NDFIP2: variants seen among roughly 807,000 people sequenced by gnomAD.
The protein encoded by NDFIP2 is NEDD4 family-interacting protein 2.
Under a neutral mutation model 36.0 loss-of-function variants are expected in NDFIP2, and 19 were observed. The ratio of observed to expected loss-of-function variants is 0.53; its 90% CI spans 0.37 to 0.77. The LOEUF (loss-of-function observed/expected upper bound fraction) is 0.77. Ranked by LOEUF, NDFIP2 falls within the 30% of genes least tolerant of loss-of-function variation. The pLI is 0.00. For synonymous variants in NDFIP2, 181 were observed against 167.7 expected (o/e 1.08, Z -0.61); for missense variants, 446 against 435.8 (o/e 1.02, Z -0.21).
chr13:79,502,461 T>A, intron 1 of NDFIP2, among the ~76,000 whole-genome samples: 1 of 152,152 alleles, frequency 6.6e-6, no homozygotes, highest in East Asian at 1.9e-4. Flanking sequence ...AGAGACAGTA[T>A]CCGTAGCTCT....
At chr13:79,507,623 T>A (rs1309242635) in intron 1 of NDFIP2, among the ~76,000 whole-genome samples, 1 of 150,912 alleles carries the variant, frequency 6.6e-6, no homozygotes, top group Admixed American at 6.6e-5. Flanking sequence ...TAGTTGCTTT[T>A]TCAAGGACAC....
chr13:79,542,505 G>GTTTTTTTTTTTTTTTTTTTTTTTTTTTTT (rs1454824183), intron 4 of NDFIP2, among the ~76,000 whole-genome samples: 1 of 149,312 alleles, frequency 6.7e-6, no homozygotes, highest in African/African-American at 2.5e-5. Context: ...GTGTTGTTCT[G>GTTTTTTTTTTTTTTTTTTTTTTTTTTTTT]TTTTTTGTTT....
At chr13:79,512,055 T>C (rs1459945696) in intron 1 of NDFIP2, among the ~76,000 whole-genome samples, 1 of 152,236 alleles carries the variant, frequency 6.6e-6, no homozygotes, top group Non-Finnish European at 1.5e-5. Flanking sequence ...ATGCATATAT[T>C]CTTTGCACAA....
At chr13:79,509,869 T>C (rs1325592480) in intron 1 of NDFIP2, among the ~76,000 whole-genome samples, 2 of 152,152 alleles carry the variant, frequency 1.3e-5, no homozygotes, top group Admixed American at 1.3e-4. Context: ...GCAGGGCAGC[T>C]AGGCCAGTCT....
In NDFIP2 at chr13:79,488,592, C is replaced by T. The variant is rs569940453; in HGVS notation, c.321+7068C>T. 5.9e-5 allele frequency among the ~76,000 whole-genome samples: 9 copies of T among 152,110 alleles called. 2 individuals carry two copies. Among genetic ancestry groups the T allele is most frequent in the African/African-American group, 2.2e-4 (9 of 41,488 alleles). On this transcript the variant is annotated intron_variant, in intron 1 of 7. Transcript: ENST00000218652. ...TTGAGTGCCCTTTGTCAGATTTATG[C>T]TAAAGGTAAGGGAGCAGTTTTTAGA...
intron 3 of NDFIP2, among the ~76,000 whole-genome samples, chr13:79,535,533 A>G (rs892438320): frequency 3.3e-5 from 5 of 152,194 alleles, no homozygotes; most frequent in African/African-American, 4.8e-5. Flanking sequence ...TTCTGATATC[A>G]TTGTAACCCC....
intron 2 of NDFIP2, among the ~76,000 whole-genome samples, chr13:79,524,758 G>A (rs1406918427): frequency 6.6e-6 from 1 of 152,158 alleles, no homozygotes; most frequent in Non-Finnish European, 1.5e-5. Context: ...GCCAGAATTT[G>A]GGCAGATAAT....
At chr13:79,525,671 C>T (rs1477534019) in intron 2 of NDFIP2, among the ~76,000 whole-genome samples, 1 of 152,162 alleles carries the variant, frequency 6.6e-6, no homozygotes. Context: ...AGGGATGATT[C>T]ACATCCTGGC....
At chr13:79,543,492 T>C (rs1364304331) in intron 4 of NDFIP2, 66 bp from the exon 5 acceptor site, 2 of 1,573,544 alleles carry the variant, frequency 1.3e-6, no homozygotes, top group Admixed American at 3.5e-5. Flanking sequence ...GAAATATTAT[T>C]AATATGTCTA....
At chr13:79,492,787 T>C (rs188630110) in intron 1 of NDFIP2, among the ~76,000 whole-genome samples, 2 of 152,298 alleles carry the variant, frequency 1.3e-5, no homozygotes, top group East Asian at 3.9e-4. Context: ...TTGCATACTT[T>C]GGCCATGTTT....
At chr13:79,550,661 GA>G (rs1594862071) in intron 6 of NDFIP2, among the ~76,000 whole-genome samples, 1 of 151,356 alleles carries the variant, frequency 6.6e-6, no homozygotes, top group Non-Finnish European at 1.5e-5. Flanking sequence ...TATATTAATT[GA>G]AAAGATTGAG....
intron 5 of NDFIP2, among the ~76,000 whole-genome samples, chr13:79,546,083 A>G (rs1875663768): frequency 2.0e-5 from 3 of 152,120 alleles, no homozygotes; most frequent in South Asian, 2.1e-4. Context: ...TTCATTGCCT[A>G]TTTTCCTATT....
intron 4 of NDFIP2, among the ~76,000 whole-genome samples, chr13:79,541,305 T>G (rs1389578655): frequency 6.6e-6 from 1 of 151,832 alleles, no homozygotes; most frequent in Non-Finnish European, 1.5e-5. Flanking sequence ...TTTTTTAGAT[T>G]TGAAGCCCTT....
At chr13:79,503,055 A>T (rs753486883) in intron 1 of NDFIP2, among the ~76,000 whole-genome samples, 2 of 152,166 alleles carry the variant, frequency 1.3e-5, no homozygotes, top group African/African-American at 4.8e-5. Flanking sequence ...AGTGAAGAAC[A>T]TAAGTTAGGA....
chr13:79,531,565 A>G (rs1194668708), intron 2 of NDFIP2, among the ~76,000 whole-genome samples: 2 of 152,190 alleles, frequency 1.3e-5, no homozygotes, highest in Admixed American at 6.5e-5. Context: ...TCTTCTGCAT[A>G]ATTTGCTGCA....
chr13:79,521,622 T>G (rs1218847764), intron 2 of NDFIP2, among the ~76,000 whole-genome samples: 1 of 152,190 alleles, frequency 6.6e-6, no homozygotes, highest in Admixed American at 6.5e-5. Context: ...CATCTTATTC[T>G]GTATTTAACA....
At chr13:79,536,400 G>A (rs527322623) in intron 3 of NDFIP2, among the ~76,000 whole-genome samples, 1 of 152,318 alleles carries the variant, frequency 6.6e-6, no homozygotes, top group Admixed American at 6.5e-5. Context: ...GTCAATGACA[G>A]TTGATTAAGT....
Position 79,553,483 on chromosome 13 carries a change from A to G in NDFIP2, c.*970A>G, listed in dbSNP as rs552177824. ...TAATTTTCTAAATAAGATAATTCTC[A>G]TTTGTGTTTGTCTTTTAAAAGGCCA... On this transcript the variant is annotated 3_prime_UTR_variant, in exon 8 of 8. Transcript: ENST00000218652. The G allele has an allele frequency of 6.6e-6, 1 of 151,564 alleles. No individual in the cohort carries two copies. Among genetic ancestry groups the G allele is most frequent in the Non-Finnish European group, 1.5e-5 (1 of 67,474 alleles). 9.4% of individuals were successfully genotyped at this position (151,564 alleles called of 1,614,324 possible).
At chr13:79,485,283 A>G (rs1402496657) in intron 1 of NDFIP2, among the ~76,000 whole-genome samples, 2 of 152,144 alleles carry the variant, frequency 1.3e-5, no homozygotes, top group African/African-American at 4.8e-5. Flanking sequence ...CTGGGATGGC[A>G]GTTACACACT....
Sources: allele counts gnomAD v4.1 joint callset (sites outside exome capture counted in the v4.1 genomes callset), GRCh38; gene constraint gnomAD v4.1.1; transcripts MANE v1.5; gene names NCBI Gene and HGNC (gene_info 2026-07-23, HGNC 2026-07-21).